CCDC150: variants seen among roughly 807,000 people sequenced by gnomAD.
CCDC150 encodes the protein coiled-coil domain containing 150, also known as coiled-coil domain-containing protein 150.
In CCDC150, 151 loss-of-function variants were observed where a neutral mutation model predicts 156.5. That is an observed-to-expected ratio of 0.97 (90% CI 0.85 to 1.10). The LOEUF is 1.10. Ranked by LOEUF, CCDC150 falls within the 50% of genes least tolerant of loss-of-function variation. The probability of loss-of-function intolerance (pLI) is 0.00; values close to 1 mark genes in which losing one functional copy is unlikely to be tolerated. For missense variants in CCDC150, 1,312 were observed against 1,268.1 expected, an observed-to-expected ratio of 1.03 and a Z score of -0.53; for synonymous variants, 452 against 429.4, an observed-to-expected ratio of 1.05 and a Z score of -0.65.
chr2:196,731,316 C>T (rs923521303), intron 26 of CCDC150, among the ~76,000 whole-genome samples: 3 of 151,878 alleles, frequency 2.0e-5, no homozygotes, highest in African/African-American at 7.3e-5. Context: ...AAAGTAGACC[C>T]TATTTAACTA....
In CCDC150 at chr2:196,695,177, A is replaced by C. The variant is rs373416479; in HGVS notation, c.1623+18A>C. The C allele has an allele frequency of 1.5e-4, 207 of 1,345,942 alleles. 2 individuals are homozygous for C. The South Asian group carries it at 2.3e-3, about 15-fold the overall frequency. The allele number at this position is 1,345,942 out of a possible 1,614,324, so 83.4% of individuals were successfully genotyped here. ...ACCATGGGGTGGGTATAAAAAGATCAGTCTAAATAGCAATTAATGACTAAT... is the reference window on the plus strand; with the variant it reads ...ACCATGGGGTGGGTATAAAAAGATCCGTCTAAATAGCAATTAATGACTAAT... On this transcript the variant is annotated intron_variant, in intron 14 of 27. Coordinates refer to ENST00000389175, the MANE Select transcript of CCDC150 (RefSeq NM_001080539.2).
intron 14 of CCDC150, among the ~76,000 whole-genome samples, chr2:196,696,310 G>T (rs184898025): frequency 3.1e-4 from 47 of 151,956 alleles, no homozygotes; most frequent in Non-Finnish European, 5.9e-5. Flanking sequence ...AAAAAAGCCT[G>T]TAAGTGCCTA....
At chr2:196,651,748 A>T (rs1318333075) in intron 2 of CCDC150, among the ~76,000 whole-genome samples, 2 of 152,196 alleles carry the variant, frequency 1.3e-5, no homozygotes. Flanking sequence ...TGTCTGTGTT[A>T]GTCCATTGTG....
intron 27 of CCDC150, 65 bp downstream of exon 27, chr2:196,732,217 C>T (rs900483686): frequency 8.9e-6 from 14 of 1,564,616 alleles, no homozygotes; most frequent in East Asian, 4.5e-5. Context: ...TTCTAATTAC[C>T]GAAGTTCTCT....
intron 1 of CCDC150, among the ~76,000 whole-genome samples, chr2:196,643,562 C>A (rs185490140): frequency 1.8e-4 from 27 of 152,170 alleles, no homozygotes; most frequent in African/African-American, 6.5e-4. Context: ...AACATTTGAA[C>A]AATTACATGA....
intron 2 of CCDC150, among the ~76,000 whole-genome samples, chr2:196,655,290 G>A (rs1051093928): frequency 9.9e-5 from 15 of 152,162 alleles, no homozygotes; most frequent in African/African-American, 3.6e-4. Context: ...GTTTTCTGTG[G>A]TCTAGAGAGA....
chr2:196,679,525 TC>T (rs1694695897), intron 13 of CCDC150, among the ~76,000 whole-genome samples: 1 of 152,254 alleles, frequency 6.6e-6, no homozygotes, highest in Admixed American at 6.5e-5. Context: ...AGTTTCTTTA[TC>T]CATTCACCAA....
intron 13 of CCDC150, among the ~76,000 whole-genome samples, chr2:196,682,554 G>C (rs1461269193): frequency 6.6e-6 from 1 of 152,018 alleles, no homozygotes; most frequent in Non-Finnish European, 1.5e-5. Flanking sequence ...TCAATTTGAA[G>C]AGTATTACAA....
intron 9 of CCDC150, among the ~76,000 whole-genome samples, chr2:196,672,765 G>A (rs2125609426): frequency 6.6e-6 from 1 of 152,164 alleles, no homozygotes; most frequent in African/African-American, 2.4e-5. Context: ...TAATTCCATG[G>A]CAAGGGCTAT....
chr2:196,677,308 A>G lies in CCDC150; in HGVS notation c.1456A>G (p.Lys486Glu). 6.4e-7 allele frequency: 1 copy of G among 1,570,514 alleles called. No individual in the cohort carries two copies. Among genetic ancestry groups the G allele is most frequent in the South Asian group, 1.2e-5 (1 of 85,126 alleles). The part of the protein sequence containing the change: ...RFQREVNKTE[K>E]EIVQERCNLE... ...CCTTGGGCAGGTTAATAAAACAGAA[A>G]AAGAAATAGTGCAAGAAAGATGCAA... Residue 486 changes from lysine (K) to glutamate (E), a missense_variant, in exon 13 of 28, where the codon AAA (lysine) becomes GAA (glutamate). Lys to Glu is a moderately conservative substitution (Grantham distance 56). Transcript: ENST00000389175.
At chr2:196,706,154 A>G (rs773117029) in intron 15 of CCDC150, among the ~76,000 whole-genome samples, 47 of 151,882 alleles carry the variant, frequency 3.1e-4, no homozygotes, top group Non-Finnish European at 6.0e-4. Flanking sequence ...ATTATGGAAG[A>G]ACAAATATTC....
intron 8 of CCDC150, among the ~76,000 whole-genome samples, chr2:196,671,943 A>G (rs572162000): frequency 2.0e-5 from 3 of 152,240 alleles, no homozygotes; most frequent in South Asian, 4.2e-4. Context: ...ATCATATGGT[A>G]AGAATATGTT....
Position 196,720,676 on chromosome 2 carries a change from C to G in CCDC150, c.2259+8C>G, listed in dbSNP as rs2125706114. 6.2e-7 allele frequency: 1 copy of G among 1,607,324 alleles called. No individual in the cohort carries two copies. The highest frequency in any genetic ancestry group is 8.5e-7 in the Non-Finnish European group (1 of 1,176,964). On this transcript the variant is annotated splice_region_variant and intron_variant, in intron 20 of 27. Transcript: ENST00000389175. ...GACCAGCACAACAGTGAGGTTGGAG[C>G]CAGGCTTTAAAAAATGATAACATTG...
intron 5 of CCDC150, among the ~76,000 whole-genome samples, chr2:196,665,174 T>C (rs1382723915): frequency 2.0e-5 from 3 of 152,286 alleles, no homozygotes; most frequent in South Asian, 2.1e-4. Flanking sequence ...GTTGGACATA[T>C]ATTTTACACT....
In CCDC150 at chr2:196,694,336, G is replaced by A. The variant is rs556924813; in HGVS notation, c.1510-710G>A. Among the ~76,000 whole-genome samples the A allele has an allele frequency of 1.2e-3, 189 of 152,200 alleles. 5 individuals carry two copies. The highest frequency in any genetic ancestry group is 8.3e-3 in the Admixed American group (127 of 15,290). Reference sequence around the variant, plus strand: ...CTCCCAAAGACCTGGGATTACAGGCGTGAGCCACCGCTCCTGGCTGGAAGA... The same window carrying A: ...CTCCCAAAGACCTGGGATTACAGGCATGAGCCACCGCTCCTGGCTGGAAGA... On this transcript the variant is annotated intron_variant, in intron 13 of 27. Transcript: ENST00000389175.
intron 9 of CCDC150, 22 bp downstream of exon 9, chr2:196,672,459 A>T: frequency 7.7e-7 from 1 of 1,296,850 alleles, no homozygotes; most frequent in Non-Finnish European, 1.0e-6. Context: ...TGATTTTGTT[A>T]GTTTTTAGAT....
intron 14 of CCDC150, among the ~76,000 whole-genome samples, chr2:196,695,810 C>CAAAAAAAA (rs1281920360): frequency 1.2e-5 from 1 of 83,152 alleles, no homozygotes. Flanking sequence ...GATTCCGTCT[C>CAAAAAAAA]AAAAAAAAAA....
chr2:196,694,185 T>C (rs1695668302), intron 13 of CCDC150, among the ~76,000 whole-genome samples: 1 of 151,538 alleles, frequency 6.6e-6, no homozygotes, highest in East Asian at 2.0e-4. Context: ...GCCTCCCAAG[T>C]AGCTGGGATT....
At position 196,729,418 on chromosome 2, in the gene CCDC150, G is replaced by T. The variant is rs1455510529; in HGVS notation, c.2751+31G>T. The T allele has an allele frequency of 1.9e-6, 3 of 1,597,054 alleles. No homozygotes were observed. The South Asian group carries it at 3.3e-5, about 18-fold the overall frequency. ...ATGGGAAACCTCTTCTCACTTCCTG[G>T]ATACCCTGTGAGGATGTAGTCAGTC... On this transcript the variant is annotated intron_variant, in intron 23 of 27. Coordinates refer to ENST00000389175, the MANE Select transcript of CCDC150 (RefSeq NM_001080539.2).
Sources: allele counts gnomAD v4.1 joint callset (sites outside exome capture counted in the v4.1 genomes callset), GRCh38; gene constraint gnomAD v4.1.1; transcripts MANE v1.5; gene names NCBI Gene and HGNC (gene_info 2026-07-23, HGNC 2026-07-21).